The following LRRC2 variants were observed in gnomAD, a reference collection of about 807,000 sequenced individuals.
LRRC2 encodes the protein leucine-rich repeat-containing protein 2.
A neutral mutation model predicts 40.2 loss-of-function variants in LRRC2; 27 were observed. That is an observed-to-expected ratio of 0.67 (90% CI 0.49 to 0.93). The LOEUF (loss-of-function observed/expected upper bound fraction) is 0.93. Ranked by LOEUF, LRRC2 falls within the 40% of genes least tolerant of loss-of-function variation. The pLI is 0.00. For missense variants in LRRC2, 402 were observed against 439.6 expected (o/e 0.91, Z 0.76); for synonymous variants, 147 against 158.9 (o/e 0.92, Z 0.56).
chr3:46,545,034 G>T lies in LRRC2; in HGVS notation c.333+12C>A. 1 of 1,611,262 alleles carries T rather than the reference G, an allele frequency of 6.2e-7. No individual in the cohort carries two copies. The stretch of plus-strand genomic sequence containing the variant: ...CACAGCACTGCATTGGGCGAGAACT[G>T]CCTCGACTCACCGTCCAGTGCTCCC... On this transcript the variant is annotated intron_variant, in intron 3 of 8. Transcript: ENST00000395905.
rs1424088810 is a variant in LRRC2 at position 46,517,774 on chromosome 3, A to G, written c.*1240T>C. 1.3e-5 allele frequency: 2 copies of G among 152,246 alleles called. No homozygotes were observed. The highest frequency in any genetic ancestry group is 2.9e-5 in the Non-Finnish European group (2 of 68,046). 9.4% of individuals were successfully genotyped at this position (152,246 alleles called of 1,614,324 possible). On this transcript the variant is annotated 3_prime_UTR_variant, in exon 9 of 9. Transcript: ENST00000395905. ...ATCATGTGATGTGACATAAGAGCCCAAAGTCTTGTAATGAATCCCACCTCT... is the reference window on the plus strand; with the variant it reads ...ATCATGTGATGTGACATAAGAGCCCGAAGTCTTGTAATGAATCCCACCTCT...
In LRRC2 at chr3:46,517,598, C is replaced by A. The variant is rs1392278897; in HGVS notation, c.*1416G>T. 1.3e-5 allele frequency: 2 copies of A among 152,208 alleles called. No homozygotes were observed. The highest frequency in any genetic ancestry group is 2.9e-5 in the Non-Finnish European group (2 of 68,070). The allele number at this position is 152,208 out of a possible 1,614,324, so 9.4% of individuals were successfully genotyped here. ...TCAAACAACCTGCTTGCCTCAGCCT[C>A]CCATAGTGCTGGGATTATAGGTGTG... On this transcript the variant is annotated 3_prime_UTR_variant, in exon 9 of 9. Transcript: ENST00000395905.
chr3:46,531,511 G>A (rs1704160138), intron 5 of LRRC2, among the ~76,000 whole-genome samples: 1 of 152,182 alleles, frequency 6.6e-6, no homozygotes, highest in Non-Finnish European at 1.5e-5. Context: ...AGAACGGTTA[G>A]ACAGAATATA....
chr3:46,557,429 C>G (rs1704830289), intron 1 of LRRC2: 1 of 152,226 alleles, frequency 6.6e-6, no homozygotes, highest in African/African-American at 2.4e-5. Context: ...TGCCTACACC[C>G]AGGTGATTAA....
At chr3:46,520,780 C>T (rs1244870361) in intron 8 of LRRC2, among the ~76,000 whole-genome samples, 1 of 152,212 alleles carries the variant, frequency 6.6e-6, no homozygotes, top group Non-Finnish European at 1.5e-5. Context: ...CCTAGCTCAT[C>T]AAAGAACTGA....
intron 1 of LRRC2, among the ~76,000 whole-genome samples, chr3:46,555,314 T>C (rs960069376): frequency 6.6e-6 from 1 of 152,298 alleles, no homozygotes. Flanking sequence ...TGACTATCTC[T>C]ATCTTTTAAT....
At chr3:46,551,179 G>T in intron 2 of LRRC2, 1 of 218,258 alleles carries the variant, frequency 4.6e-6, no homozygotes. Context: ...ACTCTAGCTA[G>T]GCAGCCTGCT....
chr3:46,515,655 C>T lies in LRRC2; in HGVS notation c.*3359G>A, dbSNP rs1703846974. 1 of 152,012 alleles carries T rather than the reference C, an allele frequency of 6.6e-6. No homozygotes were observed. Among genetic ancestry groups the T allele is most frequent in the Non-Finnish European group, 1.5e-5 (1 of 68,002 alleles). The allele number at this position is 152,012 out of a possible 1,614,324, so 9.4% of individuals were successfully genotyped here. On this transcript the variant is annotated 3_prime_UTR_variant, in exon 9 of 9. Transcript: ENST00000395905. ...AACATGAAATAATTATATATCAATG[C>T]AGTATTTTTTTCATATGTGACAGTG...
At chr3:46,519,822 G>A (rs944932678) in intron 8 of LRRC2, among the ~76,000 whole-genome samples, 2 of 152,194 alleles carry the variant, frequency 1.3e-5, no homozygotes, top group Non-Finnish European at 2.9e-5. Flanking sequence ...ACATTGGTCT[G>A]ATGGGGAAAG....
At chr3:46,537,973 T>A (rs1262654949) in intron 4 of LRRC2, among the ~76,000 whole-genome samples, 1 of 152,220 alleles carries the variant, frequency 6.6e-6, no homozygotes, top group Non-Finnish European at 1.5e-5. Flanking sequence ...TTAGCAAGGC[T>A]GCTCTTTGCC....
chr3:46,543,831 A>G (rs987263488), intron 3 of LRRC2, among the ~76,000 whole-genome samples: 1 of 152,016 alleles, frequency 6.6e-6, no homozygotes, highest in Non-Finnish European at 1.5e-5. Flanking sequence ...GCCCTAGAAT[A>G]GGCAGCCCGT....
chr3:46,557,375 G>A (rs1187127113), intron 1 of LRRC2: 7 of 151,854 alleles, frequency 4.6e-5, no homozygotes, highest in African/African-American at 1.5e-4. Flanking sequence ...TTATAAAACG[G>A]CCTCATCCCT....
chr3:46,524,241 G>T (rs748612296), intron 7 of LRRC2, among the ~76,000 whole-genome samples: 5 of 152,150 alleles, frequency 3.3e-5, no homozygotes, highest in Non-Finnish European at 5.9e-5. Flanking sequence ...CTCACTGTGG[G>T]TGATCACTCA....
At chr3:46,560,893 A>C (rs1038487405) in intron 1 of LRRC2, among the ~76,000 whole-genome samples, 1 of 152,192 alleles carries the variant, frequency 6.6e-6, no homozygotes, top group Non-Finnish European at 1.5e-5. Context: ...CTCCAGTCCA[A>C]GGACTCCCAG....
At chr3:46,541,160 C>T (rs1011182040) in intron 3 of LRRC2, among the ~76,000 whole-genome samples, 17 of 151,916 alleles carry the variant, frequency 1.1e-4, no homozygotes, top group East Asian at 1.9e-4. Context: ...AGTGAAACTC[C>T]GTCTCTACTA....
At chr3:46,548,909 A>G (rs1261933327) in intron 2 of LRRC2, among the ~76,000 whole-genome samples, 1 of 152,132 alleles carries the variant, frequency 6.6e-6, no homozygotes, top group Non-Finnish European at 1.5e-5. Context: ...TTGTGCTCCT[A>G]TGAGAATCTA....
At chr3:46,558,443 T>C (rs1704859935) in intron 1 of LRRC2, 1 of 152,214 alleles carries the variant, frequency 6.6e-6, no homozygotes. Flanking sequence ...GTTTTCAGTC[T>C]TCGTGGTGCT....
intron 1 of LRRC2, among the ~76,000 whole-genome samples, chr3:46,553,224 T>C (rs1341895888): frequency 6.6e-6 from 1 of 152,068 alleles, no homozygotes. Context: ...CCTTTCAGTG[T>C]ACATTCCACT....
chr3:46,525,424 A>C (rs1175464528), intron 7 of LRRC2, among the ~76,000 whole-genome samples: 1 of 151,492 alleles, frequency 6.6e-6, no homozygotes, highest in Non-Finnish European at 1.5e-5. Context: ...CTAATTTCTT[A>C]ATTTTTTGTA....
Sources: allele counts gnomAD v4.1 joint callset (sites outside exome capture counted in the v4.1 genomes callset), GRCh38; gene constraint gnomAD v4.1.1; transcripts MANE v1.5; gene names NCBI Gene and HGNC (gene_info 2026-07-23, HGNC 2026-07-21).